Variants in STON2 observed in about 807,000 individuals in gnomAD.
STON2 encodes stonin-2.
Under a neutral mutation model 65.7 loss-of-function variants are expected in STON2, and 29 were observed. The observed-to-expected ratio is 0.44, with a 90% confidence interval of 0.33 to 0.60. STON2 has a LOEUF of 0.60. STON2 is among the 20% of genes least tolerant of loss of function. The pLI is 0.03. For missense variants in STON2, 1,054 were observed against 1,118.1 expected, an observed-to-expected ratio of 0.94 and a Z score of 0.82; for synonymous variants, 404 against 414.2, an observed-to-expected ratio of 0.98 and a Z score of 0.30.
intron 3 of STON2, among the ~76,000 whole-genome samples, chr14:81,377,851 GT>G (rs369875099): frequency 0.034 from 4,869 of 143,376 alleles, 246 homozygotes; most frequent in African/African-American, 0.12. Flanking sequence ...TCATTTTTTT[GT>G]TTTTTTTTTT....
chr14:81,309,795 AG>A (rs1190454466), intron 5 of STON2, among the ~76,000 whole-genome samples: 1 of 152,196 alleles, frequency 6.6e-6, no homozygotes, highest in African/African-American at 2.4e-5. Context: ...GTGGAGAGTT[AG>A]GGATAACGTA....
rs557791669 is a variant in STON2, at chr14:81,312,882, T to G, written c.742+11135A>C. On this transcript the variant is annotated intron_variant, in intron 5 of 7. Transcript: ENST00000614646. ...TTTTGGTAGCAAATTCTTTGTGCTA[T>G]TACACAACGATGCCGGTAAGAATTC... is the stretch of plus-strand genomic sequence containing the variant. Among the ~76,000 whole-genome samples, 24 of 152,372 alleles carry G rather than the reference T, an allele frequency of 1.6e-4. 1 individual carries two copies. The highest frequency in any genetic ancestry group is 5.5e-4 in the African/African-American group (23 of 41,580).
At chr14:81,324,540 A>G (rs1346615979) in intron 4 of STON2, among the ~76,000 whole-genome samples, 1 of 152,218 alleles carries the variant, frequency 6.6e-6, no homozygotes, top group African/African-American at 2.4e-5. Context: ...AGGAAATGAG[A>G]GTGAAGGGTT....
chr14:81,368,663 G>A (rs890603087), intron 4 of STON2, among the ~76,000 whole-genome samples: 3 of 152,116 alleles, frequency 2.0e-5, no homozygotes, highest in Non-Finnish European at 2.9e-5. Flanking sequence ...GCAGTGAGCC[G>A]AGATTGCACC....
At chr14:81,375,866 T>C (rs966121900) in intron 3 of STON2, among the ~76,000 whole-genome samples, 2 of 151,336 alleles carry the variant, frequency 1.3e-5, no homozygotes, top group Non-Finnish European at 3.0e-5. Flanking sequence ...ATTAAGTATC[T>C]AGTTATCTAA....
chr14:81,355,674 T>C (rs1349599122), intron 4 of STON2, among the ~76,000 whole-genome samples: 1 of 152,258 alleles, frequency 6.6e-6, no homozygotes, highest in Non-Finnish European at 1.5e-5. Flanking sequence ...AAAATGCTGC[T>C]ATTAAATCAT....
intron 4 of STON2, among the ~76,000 whole-genome samples, chr14:81,368,107 T>C (rs1219992166): frequency 1.3e-5 from 2 of 152,222 alleles, no homozygotes; most frequent in African/African-American, 2.4e-5. Context: ...AATATGTATA[T>C]ATGCTTGTAT....
chr14:81,372,614 AC>A (rs1183203093), intron 3 of STON2, among the ~76,000 whole-genome samples: 1 of 152,048 alleles, frequency 6.6e-6, no homozygotes, highest in Non-Finnish European at 1.5e-5. Flanking sequence ...AGGTACTGAA[AC>A]AAGTGCTGAA....
intron 4 of STON2, among the ~76,000 whole-genome samples, chr14:81,361,283 A>T (rs1223820737): frequency 6.6e-6 from 1 of 152,190 alleles, no homozygotes; most frequent in Non-Finnish European, 1.5e-5. Context: ...CTAAAAGAGC[A>T]TGATACTAGC....
Position 81,265,660 on chromosome 14 carries a change from TA to T in STON2, c.*2753del, listed in dbSNP as rs954142881. On this transcript the variant is annotated 3_prime_UTR_variant, in exon 8 of 8. Coordinates refer to ENST00000614646, the MANE Select transcript of STON2 (RefSeq NM_001394390.1). Reference sequence around the variant, plus strand: ...AACTTTGTCTCAGTAATAATAATAATAATAATAATAATAATACTCTGTCTCA... The same window carrying T: ...AACTTTGTCTCAGTAATAATAATAATATAATAATAATAATACTCTGTCTCA... 1.9e-6 allele frequency: 1 copy of T among 536,930 alleles called. No homozygotes were observed. Among genetic ancestry groups the T allele is most frequent in the African/African-American group, 2.0e-5 (1 of 49,782 alleles). 33.3% of individuals were successfully genotyped at this position (536,930 alleles called of 1,614,324 possible).
At position 81,398,541 on chromosome 14, in the gene STON2, T is replaced by C. The variant is rs371849960; in HGVS notation, c.-159A>G. On this transcript the variant is annotated 5_prime_UTR_variant, in exon 2 of 8. Transcript: ENST00000614646. ...GGGCAGTACTCAGAATGTAGACAGA[T>C]CAGCCTCTCTTGCCGTTGGTTAATC... 4.8e-5 allele frequency: 24 copies of C among 497,378 alleles called. No homozygotes were observed. Among genetic ancestry groups the C allele is most frequent in the African/African-American group, 4.3e-4 (22 of 50,946 alleles). The allele number at this position is 497,378 out of a possible 1,614,324, so 30.8% of individuals were successfully genotyped here.
In STON2 at chr14:81,412,871, G is replaced by A. The variant is rs539449217; in HGVS notation, c.-199+14231C>T. On this transcript the variant is annotated intron_variant, in intron 2 of 8. Transcript: ENST00000553821. ...CATTAAAAGCTTTCTTCTTAGAGGC[G>A]CCACGGCTTCCATAGCGATGGCAGC... 3.0e-5 allele frequency: 16 copies of A among 535,694 alleles called. 1 individual carries two copies. The highest frequency in any genetic ancestry group is 2.1e-4 in the Admixed American group (6 of 27,980). The allele number at this position is 535,694 out of a possible 1,614,324, so 33.2% of individuals were successfully genotyped here.
intron 5 of STON2, among the ~76,000 whole-genome samples, chr14:81,296,358 G>T (rs1252572450): frequency 6.6e-6 from 1 of 152,096 alleles, no homozygotes; most frequent in African/African-American, 2.4e-5. Context: ...TAAAGTCAGG[G>T]ACTTCAGTAG....
intron 5 of STON2, among the ~76,000 whole-genome samples, chr14:81,306,220 C>CT (rs59730707): frequency 8.6e-5 from 6 of 69,508 alleles, no homozygotes; most frequent in East Asian, 1.0e-3. Flanking sequence ...CATACATACT[C>CT]TTTTTTTTTT....
intron 4 of STON2, among the ~76,000 whole-genome samples, chr14:81,327,094 G>A (rs1399591375): frequency 2.0e-5 from 3 of 152,162 alleles, no homozygotes; most frequent in African/African-American, 7.2e-5. Flanking sequence ...AGAGGCAGAG[G>A]CTGCAGTCAG....
At chr14:81,380,589 C>T (rs756546875) in intron 3 of STON2, among the ~76,000 whole-genome samples, 10 of 152,014 alleles carry the variant, frequency 6.6e-5, no homozygotes, top group Non-Finnish European at 1.2e-4. Context: ...TCATCAATGG[C>T]GGACTGGATA....
intron 2 of STON2, among the ~76,000 whole-genome samples, chr14:81,416,115 T>C (rs886523466): frequency 3.9e-5 from 6 of 152,210 alleles, no homozygotes; most frequent in Non-Finnish European, 8.8e-5. Flanking sequence ...ACTCTAGCCA[T>C]GGAACATCTC....
intron 5 of STON2, among the ~76,000 whole-genome samples, chr14:81,297,343 A>G (rs1238556437): frequency 2.6e-5 from 4 of 152,222 alleles, no homozygotes; most frequent in African/African-American, 7.2e-5. Flanking sequence ...TGACATGGCC[A>G]AAGTTACAAA....
intron 4 of STON2, among the ~76,000 whole-genome samples, chr14:81,358,419 C>T (rs1211206232): frequency 6.6e-6 from 1 of 151,808 alleles, no homozygotes; most frequent in African/African-American, 2.4e-5. Context: ...AGCAAAAGTA[C>T]AAAGGATCAA....
Sources: gnomAD v4.1 joint callset for allele counts (sites outside exome capture counted in the v4.1 genomes callset) on GRCh38, gnomAD v4.1.1 for gene constraint, MANE v1.5 for transcripts, NCBI Gene and HGNC (gene_info 2026-07-23, HGNC 2026-07-21) for gene names.